The following FER1L5 variants were observed in gnomAD, a reference collection of about 807,000 sequenced individuals.
FER1L5 encodes the protein fer-1 like family member 5.
A neutral mutation model predicts 279.9 loss-of-function variants in FER1L5; 187 were observed. The observed-to-expected ratio is 0.67, with a 90% CI of 0.59 to 0.75. The LOEUF is 0.75. Ranked by LOEUF, FER1L5 falls within the 30% of genes least tolerant of loss-of-function variation. FER1L5 has a pLI of 0.00. For synonymous variants in FER1L5, 921 were observed against 989.7 expected, an observed-to-expected ratio of 0.93 and a Z score of 1.30; for missense variants, 2,091 against 2,594.4, an observed-to-expected ratio of 0.81 and a Z score of 4.21.
In FER1L5 at chr2:96,693,579, A is replaced by G. The variant is rs1451410143; in HGVS notation, c.3366A>G (p.Thr1122=). 2 of 1,551,450 alleles carry G rather than the reference A, an allele frequency of 1.3e-6. No individual in the cohort carries two copies. Among genetic ancestry groups the G allele is most frequent in the South Asian group, 1.2e-5 (1 of 84,052 alleles). ...CCCTGAGGAGCTCTGCAGGCCCCAC[A>G]TGGGCCCAGACACTCATCTTCCAGC... ...TQTLRSSAGP[T]WAQTLIFQHL... The change falls in exon 32 of 53, where the codon ACA becomes ACG. Residue 1122 remains threonine, a synonymous_variant. Coordinates refer to ENST00000624922, the MANE Select transcript of FER1L5 (RefSeq NM_001293083.2).
At chr2:96,659,572 A>G (rs1246571838) in intron 9 of FER1L5, among the ~76,000 whole-genome samples, 2 of 147,858 alleles carry the variant, frequency 1.4e-5, no homozygotes, top group Non-Finnish European at 3.0e-5. Flanking sequence ...GCTCATTGCA[A>G]GTTCCGCCTC....
At position 96,699,953 on chromosome 2, in the gene FER1L5, G is replaced by A; in HGVS notation, c.4803G>A (p.Arg1601=). 6.2e-7 allele frequency: 1 copy of A among 1,613,860 alleles called. No homozygotes were observed. Among genetic ancestry groups the A allele is most frequent in the Non-Finnish European group, 8.5e-7 (1 of 1,179,824 alleles). Residue 1601 remains arginine (R), a synonymous_variant, in exon 44 of 53, where the codon CGG becomes CGA. Transcript: ENST00000624922. ...ACAGGTCAGGGCCCTTTAGATGGCGGGATCAGATGCCCCCAAGCTACCTCC... is the reference window on the plus strand; with the variant it reads ...ACAGGTCAGGGCCCTTTAGATGGCGAGATCAGATGCCCCCAAGCTACCTCC... The part of the protein sequence containing the change: ...SYCQSGPFRW[R]DQMPPSYLLE...
intron 9 of FER1L5, among the ~76,000 whole-genome samples, chr2:96,657,016 T>C (rs946379393): frequency 7.9e-5 from 12 of 151,504 alleles, no homozygotes; most frequent in South Asian, 2.1e-4. Context: ...TGTTGCTTCA[T>C]TGGGAGTGAC....
chr2:96,646,311 C>G, intron 1 of FER1L5, 90 bp from the exon 2 acceptor site: 1 of 1,424,158 alleles, frequency 7.0e-7, no homozygotes, highest in Non-Finnish European at 9.6e-7. Flanking sequence ...TTGAAGTTTT[C>G]TTAGAGTGTC....
Position 96,678,211 on chromosome 2 carries a change from G to A in FER1L5, c.1669+4957G>A, listed in dbSNP as rs1040282829. On this transcript the variant is annotated intron_variant, in intron 19 of 52. Transcript: ENST00000624922. ...GCAATCCCAGCTCACTGCAACCTCC[G>A]CCCGCCCCCCGGGTTCAAGCAATTC... Among the ~76,000 whole-genome samples the A allele has an allele frequency of 2.1e-5, 3 of 145,304 alleles. No individual in the cohort carries two copies. In the Admixed American group the frequency reaches 2.1e-4, roughly 10 times the overall value.
intron 27 of FER1L5, among the ~76,000 whole-genome samples, chr2:96,690,806 A>G (rs2106635072): frequency 6.6e-6 from 1 of 152,298 alleles, no homozygotes; most frequent in East Asian, 1.9e-4. Flanking sequence ...CCTGGCCCAG[A>G]GCAAGGCGTG....
At chr2:96,684,245 G>A (rs1054901639) in intron 19 of FER1L5, 82 bp from the exon 20 acceptor site, 126 of 1,495,548 alleles carry the variant, frequency 8.4e-5, no homozygotes, top group Non-Finnish European at 1.1e-4. Context: ...GGTCCAGAGA[G>A]GTCCTCGGAG....
intron 9 of FER1L5, 22 bp from the exon 10 acceptor site, chr2:96,660,319 C>T (rs1249071107): frequency 1.3e-6 from 2 of 1,551,664 alleles, no homozygotes; most frequent in South Asian, 2.4e-5. Flanking sequence ...AACTAATCCT[C>T]ACCCCACTGT....
intron 19 of FER1L5, among the ~76,000 whole-genome samples, chr2:96,681,846 G>C (rs910839633): frequency 2.0e-5 from 3 of 151,920 alleles, no homozygotes; most frequent in African/African-American, 7.3e-5. Flanking sequence ...CTGGAGTGCA[G>C]TGGCGTTATC....
Position 96,662,239 on chromosome 2 carries a change from A to C in FER1L5, c.1043A>C (p.Gln348Pro). ...GAGAAACACCAGTCAGTGAATCCTC[A>C]GTTGGAGGTGGAACTAATTGGGGAA... ...HLKKHQSVNPQLEVELIGEKL... is the reference protein window; with the variant it reads ...HLKKHQSVNPPLEVELIGEKL... Residue 348 changes from glutamine (Q) to proline (P), a missense_variant, in exon 13 of 53, where the codon CAG becomes CCG. Transcript: ENST00000624922. 1 of 1,551,568 alleles carries C rather than the reference A, an allele frequency of 6.4e-7. No individual in the cohort carries two copies. The highest frequency in any genetic ancestry group is 8.7e-7 in the Non-Finnish European group (1 of 1,146,942).
Position 96,692,149 on chromosome 2 carries a change from A to G in FER1L5, c.3260A>G (p.Asn1087Ser), listed in dbSNP as rs1274464727. 1 of 1,551,614 alleles carries G rather than the reference A, an allele frequency of 6.4e-7. No individual in the cohort carries two copies. Among genetic ancestry groups the G allele is most frequent in the South Asian group, 1.2e-5 (1 of 84,062 alleles). ...QLFCYIYQARNLVSNQILTFQ... is the reference protein window; with the variant it reads ...QLFCYIYQARSLVSNQILTFQ... The stretch of plus-strand genomic sequence containing the variant: ...TTCTGCTACATCTACCAGGCCCGGA[A>G]CCTGGTGTCCAATCAGATCCTGACA... The change falls in exon 31 of 53, where the codon AAC becomes AGC. Residue 1087 changes from asparagine to serine, a missense_variant. Coordinates refer to ENST00000624922, the MANE Select transcript of FER1L5 (RefSeq NM_001293083.2).
chr2:96,653,703 G>C lies in FER1L5; in HGVS notation c.696+1G>C, dbSNP rs1448587571. On this transcript the variant is annotated splice_donor_variant, in intron 8 of 52. Coordinates refer to ENST00000624922, the MANE Select transcript of FER1L5 (RefSeq NM_001293083.2). LOFTEE classifies it high-confidence loss of function. ...CTTTGATGAGACCATCTTAATCCAG[G>C]TGAGGAGCCAAACTGGTCCCCAGCA... is the stretch of plus-strand genomic sequence containing the variant. 1 of 1,550,504 alleles carries C rather than the reference G, an allele frequency of 6.4e-7. No individual in the cohort carries two copies. Among genetic ancestry groups the C allele is most frequent in the Non-Finnish European group, 8.7e-7 (1 of 1,146,560 alleles).
At chr2:96,673,364 C>T in intron 19 of FER1L5, 110 bp downstream of exon 19, 1 of 1,171,622 alleles carries the variant, frequency 8.5e-7, no homozygotes, top group Non-Finnish European at 1.2e-6. Flanking sequence ...CATTATTTAC[C>T]TATATTTCAC....
Position 96,694,101 on chromosome 2 carries a change from G to A in FER1L5, c.3636+29G>A, listed in dbSNP as rs753815157. The A allele has an allele frequency of 6.5e-7, 1 of 1,528,696 alleles. No homozygotes were observed. The highest frequency in any genetic ancestry group is 1.2e-5 in the South Asian group (1 of 82,190). 94.7% of individuals were successfully genotyped at this position (1,528,696 alleles called of 1,614,324 possible). A position where few individuals can be genotyped will look rare whatever the true frequency, so the allele number is the denominator to read the frequency against. On this transcript the variant is annotated intron_variant, in intron 33 of 52. Transcript: ENST00000624922. This position sits in a 1 kb window ranked among gnomAD's most constrained non-coding sequence, Gnocchi z 4.6. ...TTGGGAGAGAGGGCCTGGCTGGGAA[G>A]TGTGGCACTCAGTGCCCCTCCCCGT... is the stretch of plus-strand genomic sequence containing the variant.
chr2:96,691,255 A>T lies in FER1L5; in HGVS notation c.2809A>T (p.Thr937Ser). The T allele has an allele frequency of 6.5e-7, 1 of 1,550,276 alleles. No individual in the cohort carries two copies. The highest frequency in any genetic ancestry group is 8.7e-7 in the Non-Finnish European group (1 of 1,146,864). Residue 937 changes from threonine to serine, a missense_variant, in exon 28 of 53, where the codon ACC becomes TCC. Transcript: ENST00000624922. The surrounding 1 kb of genome is among the most constrained non-coding windows in gnomAD (Gnocchi z 6.0). ...CCAGGTCTGGAGCCCGGTGGAGAAG[A>T]CCTACCACTCGTGCCGCCGCCGGCG... is the stretch of plus-strand genomic sequence containing the variant. ...LPQVWSPVEKTYHSCRRRRWA... is the reference protein window; with the variant it reads ...LPQVWSPVEKSYHSCRRRRWA...
chr2:96,670,256 G>C lies in FER1L5; in HGVS notation c.1491+9G>C, dbSNP rs746812031. On this transcript the variant is annotated intron_variant, in intron 18 of 52. Transcript: ENST00000624922. ...AAGTGACCAGGATAGAGGTAACTGC[G>C]GGAAACAGGTAACCCAGGGAAAAAC... 1 of 1,550,984 alleles carries C rather than the reference G, an allele frequency of 6.4e-7. No homozygotes were observed. The highest frequency in any genetic ancestry group is 1.2e-5 in the South Asian group (1 of 84,028).
At chr2:96,659,997 A>G (rs2075897260) in intron 9 of FER1L5, among the ~76,000 whole-genome samples, 2 of 152,040 alleles carry the variant, frequency 1.3e-5, no homozygotes, top group Non-Finnish European at 2.9e-5. Context: ...TACCTTAACC[A>G]TCCTCTTCCC....
chr2:96,661,816 G>A (rs919193639), intron 12 of FER1L5, 25 bp downstream of exon 12: 2 of 1,550,892 alleles, frequency 1.3e-6, no homozygotes, highest in South Asian at 1.2e-5. Flanking sequence ...GCAGGGGAGG[G>A]AGCAGCCCTG....
At position 96,700,365 on chromosome 2, in the gene FER1L5, C is replaced by T. The variant is rs2077545778; in HGVS notation, c.4964C>T (p.Pro1655Leu). Residue 1655 changes from proline to leucine, a missense_variant, in exon 45 of 53, where the codon CCC becomes CTC. Pro to Leu is a moderately conservative substitution (Grantham distance 98). Coordinates refer to ENST00000624922, the MANE Select transcript of FER1L5 (RefSeq NM_001293083.2). The stretch of plus-strand genomic sequence containing the variant: ...ACCCCTACTGTTCATGGTTTGGGAC[C>T]CAAGAAGGAACGCCTTGCACTGTAC... ...PKTPTVHGLGPKKERLALYLL... is the reference protein window; with the variant it reads ...PKTPTVHGLGLKKERLALYLL... The T allele has an allele frequency of 6.2e-7, 1 of 1,613,672 alleles. No individual in the cohort carries two copies. The highest frequency in any genetic ancestry group is 8.5e-7 in the Non-Finnish European group (1 of 1,179,876).
Sources: allele counts gnomAD v4.1 joint callset (sites outside exome capture counted in the v4.1 genomes callset), GRCh38; gene constraint gnomAD v4.1.1; non-coding constraint Gnocchi (gnomAD v3.1); transcripts MANE v1.5; gene names NCBI Gene and HGNC (gene_info 2026-07-23, HGNC 2026-07-21).